Variants in GAS7 observed in about 807,000 individuals in gnomAD.
GAS7 encodes growth arrest specific 7, also known as growth arrest-specific protein 7.
GAS7 carries 28 observed loss-of-function variants against 71.1 expected under a neutral mutation model. The ratio of observed to expected loss-of-function variants is 0.39; its 90% CI spans 0.29 to 0.54. GAS7 has a LOEUF of 0.54. GAS7 is among the 20% of genes least tolerant of loss of function. GAS7 has a pLI of 0.62. For missense variants in GAS7, 436 were observed against 627.8 expected, an observed-to-expected ratio of 0.69 and a Z score of 3.27; for synonymous variants, 258 against 245.8, an observed-to-expected ratio of 1.05 and a Z score of -0.46.
chr17:9,978,899 C>T (rs1299983336), intron 3 of GAS7, among the ~76,000 whole-genome samples: 3 of 152,114 alleles, frequency 2.0e-5, no homozygotes, highest in Non-Finnish European at 4.4e-5. Flanking sequence ...CACCTCGGCA[C>T]TAGTAAACAT....
intron 1 of GAS7, among the ~76,000 whole-genome samples, chr17:10,056,629 TG>T (rs968587902): frequency 1.1e-4 from 16 of 152,310 alleles, no homozygotes; most frequent in African/African-American, 3.8e-4. Flanking sequence ...CCCAGCACTT[TG>T]GGAGGCCAAG....
chr17:10,035,574 TG>T (rs1208488344), intron 1 of GAS7, among the ~76,000 whole-genome samples: 1 of 151,348 alleles, frequency 6.6e-6, no homozygotes, highest in Non-Finnish European at 1.5e-5. Flanking sequence ...CCCAGGGAGG[TG>T]GGAGAGCATA....
chr17:10,178,068 G>A (rs2074386159), intron 1 of GAS7, among the ~76,000 whole-genome samples: 1 of 152,114 alleles, frequency 6.6e-6, no homozygotes, highest in Non-Finnish European at 1.5e-5. Flanking sequence ...AGAGCCGGAG[G>A]GATTCCTGGA....
chr17:10,143,386 C>A (rs1364744589), intron 1 of GAS7, among the ~76,000 whole-genome samples: 1 of 151,860 alleles, frequency 6.6e-6, no homozygotes, highest in Admixed American at 6.6e-5. Context: ...ACTAAAAATA[C>A]AAAAAATTAG....
At chr17:10,084,715 C>CCTCG (rs1164065912) in intron 1 of GAS7, among the ~76,000 whole-genome samples, 3 of 152,218 alleles carry the variant, frequency 2.0e-5, no homozygotes, top group Non-Finnish European at 4.4e-5. Context: ...GATCCACGTG[C>CCTCG]CTCGGCCTCC....
intron 2 of GAS7, among the ~76,000 whole-genome samples, chr17:10,006,493 C>T (rs1366363103): frequency 6.6e-6 from 1 of 151,702 alleles, no homozygotes; most frequent in East Asian, 1.9e-4. Flanking sequence ...CCATGCCCGG[C>T]TAATTTTTTG....
intron 1 of GAS7, among the ~76,000 whole-genome samples, chr17:10,060,930 G>C (rs1049685612): frequency 2.6e-5 from 4 of 152,344 alleles, no homozygotes; most frequent in African/African-American, 9.6e-5. Flanking sequence ...GGAGGTGGGA[G>C]AGGCTGAGTG....
intron 1 of GAS7, among the ~76,000 whole-genome samples, chr17:10,144,743 T>C (rs1461657488): frequency 2.0e-5 from 3 of 152,084 alleles, no homozygotes; most frequent in African/African-American, 7.2e-5. Context: ...AGATAGGATC[T>C]TGCTATGTTG....
intron 2 of GAS7, among the ~76,000 whole-genome samples, chr17:9,990,829 G>A (rs755851213): frequency 6.6e-6 from 1 of 152,122 alleles, no homozygotes; most frequent in Non-Finnish European, 1.5e-5. Flanking sequence ...GAACCTGCTG[G>A]GTGCCCTCTG....
intron 1 of GAS7, among the ~76,000 whole-genome samples, chr17:10,134,644 T>G (rs1396403468): frequency 6.6e-6 from 1 of 152,112 alleles, no homozygotes; most frequent in Non-Finnish European, 1.5e-5. Flanking sequence ...GCCTACCCCA[T>G]AAGGGTTCTT....
At chr17:10,097,416 T>C (rs1026356485) in intron 1 of GAS7, among the ~76,000 whole-genome samples, 1 of 152,168 alleles carries the variant, frequency 6.6e-6, no homozygotes, top group African/African-American at 2.4e-5. Context: ...GGTATAGATC[T>C]TACACACAGC....
chr17:10,142,432 G>A (rs1018946624), intron 1 of GAS7, among the ~76,000 whole-genome samples: 17 of 152,092 alleles, frequency 1.1e-4, no homozygotes, highest in Non-Finnish European at 2.2e-4. Flanking sequence ...GCAGTGGCAC[G>A]ATCTTGGCTC....
At chr17:9,955,759 T>C (rs1339637756) in intron 5 of GAS7, among the ~76,000 whole-genome samples, 4 of 152,220 alleles carry the variant, frequency 2.6e-5, no homozygotes, top group Non-Finnish European at 2.9e-5. Flanking sequence ...TCCCCGTGTG[T>C]ACTGCTCAGG....
chr17:10,154,348 T>C (rs564395246), intron 1 of GAS7, among the ~76,000 whole-genome samples: 4 of 151,324 alleles, frequency 2.6e-5, no homozygotes, highest in South Asian at 4.2e-4. Context: ...GAAATAAAAT[T>C]AAAAATTTAG....
intron 4 of GAS7, among the ~76,000 whole-genome samples, chr17:9,961,933 G>C (rs553907281): frequency 6.6e-6 from 1 of 152,290 alleles, no homozygotes; most frequent in South Asian, 2.1e-4. Context: ...AGGCAAAAAA[G>C]ATTTCCATCA....
intron 1 of GAS7, among the ~76,000 whole-genome samples, chr17:10,145,358 C>T (rs2074113669): frequency 6.6e-6 from 1 of 152,182 alleles, no homozygotes; most frequent in African/African-American, 2.4e-5. Flanking sequence ...GCAAGTCATG[C>T]CTGGGTGAAT....
At chr17:10,181,919 G>A (rs1007736386) in intron 1 of GAS7, among the ~76,000 whole-genome samples, 3 of 152,082 alleles carry the variant, frequency 2.0e-5, no homozygotes, top group Non-Finnish European at 2.9e-5. Context: ...TAACACATTG[G>A]CATGCTAAAT....
Position 9,926,813 on chromosome 17 carries a change from G to T in GAS7, c.886-44C>A, listed in dbSNP as rs776015073. 4 of 1,611,048 alleles carry T rather than the reference G, an allele frequency of 2.5e-6. No homozygotes were observed. The South Asian group carries it at 4.4e-5, about 18-fold the overall frequency. On this transcript the variant is annotated intron_variant, in intron 9 of 13. Coordinates refer to ENST00000432992, the MANE Select transcript of GAS7 (RefSeq NM_201433.2). The surrounding 1 kb of genome is among the most constrained non-coding windows in gnomAD (Gnocchi z 5.0). ...CGCACACTCAGGACCCAGGGCATCA[G>T]CTGTAAGCCAGTGCAGGGAGGAGGG...
chr17:10,029,331 A>G (rs2072552198), intron 1 of GAS7, among the ~76,000 whole-genome samples: 1 of 152,204 alleles, frequency 6.6e-6, no homozygotes, highest in Non-Finnish European at 1.5e-5. Context: ...TGTCCTCCTT[A>G]GCAGAAGTAC....
Sources: allele counts gnomAD v4.1 joint callset (sites outside exome capture counted in the v4.1 genomes callset), GRCh38; gene constraint gnomAD v4.1.1; non-coding constraint Gnocchi (gnomAD v3.1); transcripts MANE v1.5; gene names NCBI Gene and HGNC (gene_info 2026-07-23, HGNC 2026-07-21).